The following ALK variants were observed in gnomAD, a reference collection of about 807,000 sequenced individuals.
ALK encodes ALK tyrosine kinase receptor.
In ALK, 74 loss-of-function variants were observed where a neutral mutation model predicts 163.1. The ratio of observed to expected loss-of-function variants is 0.45; its 90% CI spans 0.38 to 0.55. The LOEUF is 0.55. Among genes scored for constraint, ALK ranks in the 20% least tolerant of loss-of-function variants. The probability of loss-of-function intolerance (pLI) is 0.00; values close to 1 mark genes in which losing one functional copy is unlikely to be tolerated. For missense variants in ALK, 2,063 were observed against 2,105.3 expected (o/e 0.98, Z 0.39); for synonymous variants, 960 against 843.2 (o/e 1.14, Z -2.40).
intron 9 of ALK, among the ~76,000 whole-genome samples, chr2:29,295,160 G>T (rs1364954316): frequency 6.6e-6 from 1 of 152,156 alleles, no homozygotes; most frequent in East Asian, 1.9e-4. Context: ...TTTGGTCTCA[G>T]TATCAATACT....
chr2:29,323,742 A>G (rs1667148401), intron 6 of ALK, among the ~76,000 whole-genome samples: 2 of 152,206 alleles, frequency 1.3e-5, no homozygotes, highest in Non-Finnish European at 2.9e-5. Flanking sequence ...AATCACCACT[A>G]AGGCCAATTG....
rs556338930 is a variant in ALK, at chr2:29,626,509, T to C, written c.952+68341A>G. Among the ~76,000 whole-genome samples, 3 of 152,260 alleles carry C rather than the reference T, an allele frequency of 2.0e-5. No homozygotes were observed. The East Asian group carries it at 5.8e-4, about 29-fold the overall frequency. On this transcript the variant is annotated intron_variant, in intron 3 of 28. Transcript: ENST00000389048. Reference sequence around the variant, plus strand: ...TTCCCCAGCCATGTGGAACTGTGAGTCCATTAAACCTCTTTCCTTTATAAA... The same window carrying C: ...TTCCCCAGCCATGTGGAACTGTGAGCCCATTAAACCTCTTTCCTTTATAAA...
intron 3 of ALK, among the ~76,000 whole-genome samples, chr2:29,649,394 T>A (rs1018835403): frequency 6.6e-6 from 1 of 152,140 alleles, no homozygotes; most frequent in African/African-American, 2.4e-5. Context: ...CTGTTAGAAC[T>A]GCTATCATCA....
chr2:29,910,874 A>C (rs926765249), intron 1 of ALK, among the ~76,000 whole-genome samples: 1 of 152,214 alleles, frequency 6.6e-6, no homozygotes, highest in African/African-American at 2.4e-5. Context: ...ACTCTGATTC[A>C]ACATAGAAAT....
At chr2:29,442,332 C>A (rs1224811468) in intron 4 of ALK, among the ~76,000 whole-genome samples, 1 of 151,780 alleles carries the variant, frequency 6.6e-6, no homozygotes, top group African/African-American at 2.4e-5. Context: ...GTTGAGACTT[C>A]TGAGCATGAA....
chr2:29,774,807 T>C (rs1269152858), intron 1 of ALK, among the ~76,000 whole-genome samples: 2 of 152,322 alleles, frequency 1.3e-5, no homozygotes, highest in African/African-American at 2.4e-5. Flanking sequence ...GTTGAGTACA[T>C]ATGACTTCTT....
In ALK at chr2:29,457,855, G is replaced by A. The variant is rs1670995573; in HGVS notation, c.1155-73996C>T. 2.0e-5 allele frequency among the ~76,000 whole-genome samples: 3 copies of A among 152,020 alleles called. No individual in the cohort carries two copies. The South Asian group carries it at 6.2e-4, about 31-fold the overall frequency. On this transcript the variant is annotated intron_variant, in intron 4 of 28. Transcript: ENST00000389048. ...GGAAACTGATGTTTAGAGAGGTTAG[G>A]TGCCTTGTACAAGGTACTAAAACAA...
At chr2:29,894,875 CA>C (rs1667230509) in intron 1 of ALK, among the ~76,000 whole-genome samples, 2 of 151,622 alleles carry the variant, frequency 1.3e-5, no homozygotes, top group African/African-American at 4.8e-5. Flanking sequence ...CACACACACA[CA>C]CCCCGACATA....
At chr2:29,231,260 C>T (rs1403449623) in intron 15 of ALK, among the ~76,000 whole-genome samples, 2 of 152,226 alleles carry the variant, frequency 1.3e-5, no homozygotes, top group Non-Finnish European at 2.9e-5. Context: ...ATCGCTTGAA[C>T]CTGCAAGTCA....
Position 29,920,660 on chromosome 2 carries a change from C to G in ALK, c.-1G>C, listed in dbSNP as rs1256617432. ...GCCACAGGAGCCCGATGGCTCCCAT[C>G]CCGCCGGAGGAGGCCGTTTACACTG... is the stretch of plus-strand genomic sequence containing the variant. On this transcript the variant is annotated 5_prime_UTR_variant, in exon 1 of 29. Coordinates refer to ENST00000389048, the MANE Select transcript of ALK (RefSeq NM_004304.5). 7.2e-6 allele frequency: 11 copies of G among 1,535,468 alleles called. No homozygotes were observed. Among genetic ancestry groups the G allele is most frequent in the Non-Finnish European group, 9.6e-6 (11 of 1,147,820 alleles).
At chr2:29,879,132 G>C (rs1371030365) in intron 1 of ALK, among the ~76,000 whole-genome samples, 1 of 152,118 alleles carries the variant, frequency 6.6e-6, no homozygotes, top group East Asian at 1.9e-4. Context: ...TGGTACTAAA[G>C]GGCTACTGTC....
At chr2:29,737,959 G>A (rs1016054277) in intron 1 of ALK, among the ~76,000 whole-genome samples, 2 of 152,052 alleles carry the variant, frequency 1.3e-5, no homozygotes, top group African/African-American at 4.8e-5. Context: ...ACAGGCACAA[G>A]AGAGAGCAAG....
intron 1 of ALK, among the ~76,000 whole-genome samples, chr2:29,904,523 T>C (rs953554888): frequency 6.6e-6 from 1 of 152,110 alleles, no homozygotes; most frequent in Admixed American, 6.6e-5. Context: ...ACATCAATAA[T>C]AATAAAACAG....
intron 10 of ALK, 51 bp from the exon 11 acceptor site, chr2:29,275,278 G>A: frequency 6.2e-6 from 10 of 1,613,074 alleles, no homozygotes; most frequent in Non-Finnish European, 8.5e-6. Context: ...TTGATTTCAG[G>A]GTGAGAGATG....
At chr2:29,790,481 A>G (rs112849110) in intron 1 of ALK, among the ~76,000 whole-genome samples, 2,083 of 152,360 alleles carry the variant, frequency 0.014, 23 homozygotes, top group Middle Eastern at 0.041. Context: ...AAAAAGATGA[A>G]TCTTGTGGTT....
Position 29,622,034 on chromosome 2 carries a change from C to T in ALK, c.952+72816G>A, listed in dbSNP as rs573746293. Among the ~76,000 whole-genome samples the T allele has an allele frequency of 1.5e-3, 235 of 152,278 alleles. 1 individual carries two copies. The highest frequency in any genetic ancestry group is 0.01 in the Middle Eastern group (3 of 294). On this transcript the variant is annotated intron_variant, in intron 3 of 28. Transcript: ENST00000389048. Reference sequence around the variant, plus strand: ...CAGATGAGCCACAGTACAGGCTAACCTCATTTAGTGAAGCACCAATGCTGC... The same window carrying T: ...CAGATGAGCCACAGTACAGGCTAACTTCATTTAGTGAAGCACCAATGCTGC...
rs77855517 is a variant in ALK, at chr2:29,239,654, G to A, written c.2355+26C>T. On this transcript the variant is annotated intron_variant, in intron 13 of 28. Transcript: ENST00000389048. ...TCCCGGGGCCTGACAGAGTGCAGACGAGAAACCCCTGCTCTGGGCACTTAC... is the reference window on the plus strand; with the variant it reads ...TCCCGGGGCCTGACAGAGTGCAGACAAGAAACCCCTGCTCTGGGCACTTAC... 0.098 allele frequency: 158,793 copies of A among 1,612,674 alleles called. 8,598 individuals carry two copies. The highest frequency in any genetic ancestry group is 0.14 in the African/African-American group (10,569 of 74,988).
intron 23 of ALK, among the ~76,000 whole-genome samples, chr2:29,217,447 C>T (rs999802649): frequency 6.6e-6 from 1 of 151,900 alleles, no homozygotes; most frequent in Non-Finnish European, 1.5e-5. Flanking sequence ...AATCTAGACT[C>T]GCAGAGCATT....
chr2:29,870,351 G>A (rs72794305), intron 1 of ALK, among the ~76,000 whole-genome samples: 9,260 of 152,160 alleles, frequency 0.061, 400 homozygotes, highest in East Asian at 0.14. Flanking sequence ...TCACATGGCT[G>A]GCAGGAGACA....
Sources: allele counts gnomAD v4.1 joint callset (sites outside exome capture counted in the v4.1 genomes callset), GRCh38; gene constraint gnomAD v4.1.1; transcripts MANE v1.5; gene names NCBI Gene and HGNC (gene_info 2026-07-23, HGNC 2026-07-21).